Variants in FRMD4A observed in about 807,000 individuals in gnomAD.
The protein encoded by FRMD4A is FERM domain containing 4A, also known as FERM domain-containing protein 4A.
FRMD4A carries 29 observed loss-of-function variants against 129.1 expected under a neutral mutation model. The ratio of observed to expected loss-of-function variants is 0.22; its 90% CI spans 0.17 to 0.31. The LOEUF (loss-of-function observed/expected upper bound fraction) is 0.31. Among genes scored for constraint, FRMD4A ranks in the 10% least tolerant of loss-of-function variants. FRMD4A has a pLI of 1.00. For missense variants in FRMD4A, 1,272 were observed against 1,375.8 expected (o/e 0.92, Z 1.19); for synonymous variants, 634 against 571.6 (o/e 1.11, Z -1.56).
chr10:14,328,656 G>GTGTGTGTC (rs1554811063), intron 2 of FRMD4A, among the ~76,000 whole-genome samples: 31 of 151,140 alleles, frequency 2.1e-4, no homozygotes, highest in African/African-American at 7.1e-4. Context: ...GTGTGTGTGT[G>GTGTGTGTC]TGTGCATATG....
intron 2 of FRMD4A, among the ~76,000 whole-genome samples, chr10:14,200,063 C>T (rs1204835036): frequency 6.7e-6 from 1 of 148,564 alleles, no homozygotes; most frequent in Admixed American, 6.7e-5. Context: ...CTTGCTGTTG[C>T]CCAGGCTGGA....
chr10:14,238,512 ATTAT>A (rs748387521), intron 2 of FRMD4A, among the ~76,000 whole-genome samples: 32 of 151,962 alleles, frequency 2.1e-4, no homozygotes, highest in African/African-American at 4.6e-4. Context: ...TTTTTATTTT[ATTAT>A]TTATTTATTT....
At chr10:14,194,867 C>CATTAT (rs1294745574) in intron 2 of FRMD4A, among the ~76,000 whole-genome samples, 1 of 151,888 alleles carries the variant, frequency 6.6e-6, no homozygotes, top group African/African-American at 2.4e-5. Context: ...CTGTTAATAA[C>CATTAT]ATTATATTAT....
chr10:13,662,600 G>A (rs1053833512), intron 19 of FRMD4A, among the ~76,000 whole-genome samples: 1 of 152,168 alleles, frequency 6.6e-6, no homozygotes, highest in Non-Finnish European at 1.5e-5. Context: ...GGGGTTGGGG[G>A]AGGGATCAGT....
intron 2 of FRMD4A, among the ~76,000 whole-genome samples, chr10:13,963,536 C>T (rs2446580): frequency 0.51 from 77,975 of 151,944 alleles, 20,366 homozygotes; most frequent in East Asian, 0.79. Context: ...AAGATAAAAA[C>T]GAATCATTGA....
intron 2 of FRMD4A, among the ~76,000 whole-genome samples, chr10:14,321,830 G>A (rs1229397540): frequency 6.6e-6 from 1 of 152,136 alleles, no homozygotes; most frequent in Non-Finnish European, 1.5e-5. Flanking sequence ...CCCCAGTTTT[G>A]GGGAAGGGGC....
At chr10:13,689,202 G>GGGGT (rs2085408117) in intron 15 of FRMD4A, among the ~76,000 whole-genome samples, 2 of 33,356 alleles carry the variant, frequency 6.0e-5, no homozygotes, top group East Asian at 8.9e-4. Flanking sequence ...TCTTTGCGGG[G>GGGGT]GGGGGGGGGG....
intron 14 of FRMD4A, among the ~76,000 whole-genome samples, chr10:13,696,742 A>ACT (rs10675589): frequency 0.36 from 55,270 of 151,680 alleles, 10,561 homozygotes; most frequent in African/African-American, 0.49. Flanking sequence ...CTAGAGTGAG[A>ACT]CTGTCTAAAA....
intron 2 of FRMD4A, among the ~76,000 whole-genome samples, chr10:14,252,431 T>C (rs1381788310): frequency 6.6e-6 from 1 of 152,272 alleles, no homozygotes; most frequent in East Asian, 1.9e-4. Flanking sequence ...CATGTCTCTT[T>C]AGTAACAGTT....
At chr10:13,664,372 T>A (rs1340638671) in intron 18 of FRMD4A, among the ~76,000 whole-genome samples, 2 of 152,082 alleles carry the variant, frequency 1.3e-5, no homozygotes, top group African/African-American at 4.8e-5. Context: ...CAGAAAGAGG[T>A]TGGCTGAGGG....
chr10:14,330,024 C>T (rs1408066381), intron 2 of FRMD4A, 34 bp downstream of exon 2: 9 of 1,550,346 alleles, frequency 5.8e-6, no homozygotes, highest in Non-Finnish European at 7.9e-6. Context: ...GGAGTGGACG[C>T]TGCCCGGGCC....
intron 2 of FRMD4A, among the ~76,000 whole-genome samples, chr10:14,273,694 A>C (rs1241115196): frequency 2.0e-5 from 3 of 152,044 alleles, no homozygotes; most frequent in Non-Finnish European, 4.4e-5. Flanking sequence ...CTATGGCTCG[A>C]GGTTCTAGGT....
chr10:14,018,477 A>AC (rs2095706359), intron 2 of FRMD4A, among the ~76,000 whole-genome samples: 1 of 150,752 alleles, frequency 6.6e-6, no homozygotes, highest in African/African-American at 2.5e-5. Context: ...AAAAAAAAAA[A>AC]AAATGACATT....
intron 2 of FRMD4A, among the ~76,000 whole-genome samples, chr10:14,037,866 T>C (rs1216210382): frequency 6.6e-6 from 1 of 152,222 alleles, no homozygotes; most frequent in Admixed American, 6.5e-5. Flanking sequence ...TAAGCCAAAA[T>C]GCTGTTTCAC....
intron 14 of FRMD4A, 28 bp downstream of exon 14, chr10:13,701,312 G>T (rs760294187): frequency 6.2e-7 from 1 of 1,601,492 alleles, no homozygotes; most frequent in Non-Finnish European, 8.5e-7. Flanking sequence ...ACAATGGCCC[G>T]GGCTTGGTGA....
chr10:14,228,049 T>C (rs1443120765), intron 2 of FRMD4A, among the ~76,000 whole-genome samples: 1 of 152,236 alleles, frequency 6.6e-6, no homozygotes. Flanking sequence ...AATTTTGATA[T>C]TTTTAGTAGA....
At chr10:14,134,248 A>AATGG (rs60021621) in intron 2 of FRMD4A, among the ~76,000 whole-genome samples, 28,922 of 149,634 alleles carry the variant, frequency 0.19, 2,837 homozygotes, top group East Asian at 0.24. Context: ...AATTGGAAAG[A>AATGG]ATGGATGGAT....
intron 15 of FRMD4A, among the ~76,000 whole-genome samples, chr10:13,690,697 G>T (rs191316322): frequency 6.6e-6 from 1 of 152,180 alleles, no homozygotes; most frequent in African/African-American, 2.4e-5. Flanking sequence ...CTGCAGAAAG[G>T]GCTGAGGGCA....
At chr10:14,167,377 C>T (rs1216498997) in intron 2 of FRMD4A, among the ~76,000 whole-genome samples, 1 of 151,290 alleles carries the variant, frequency 6.6e-6, no homozygotes, top group Non-Finnish European at 1.5e-5. Flanking sequence ...ACTAAAAGTG[C>T]AAAAATTAGC....
Sources: gnomAD v4.1 joint callset for allele counts (sites outside exome capture counted in the v4.1 genomes callset) on GRCh38, gnomAD v4.1.1 for gene constraint, MANE v1.5 for transcripts, NCBI Gene and HGNC (gene_info 2026-07-23, HGNC 2026-07-21) for gene names.